Variants in RAD51B observed in about 807,000 individuals in gnomAD.
The protein encoded by RAD51B is DNA repair protein RAD51 homolog 2.
RAD51B carries 38 observed loss-of-function variants against 42.2 expected under a neutral mutation model. That is an observed-to-expected ratio of 0.90 (90% confidence interval 0.70 to 1.18). The LOEUF (loss-of-function observed/expected upper bound fraction) is 1.18. RAD51B is among the 50% of genes most tolerant of loss of function. The pLI, the probability that RAD51B is intolerant of heterozygous loss-of-function variation, is 0.00. For missense variants in RAD51B, 373 were observed against 400.7 expected (o/e 0.93, Z 0.59); for synonymous variants, 154 against 145.2 (o/e 1.06, Z -0.43).
intron 8 of RAD51B, among the ~76,000 whole-genome samples, chr14:68,371,390 T>C (rs1003600700): frequency 6.6e-6 from 1 of 152,138 alleles, no homozygotes; most frequent in East Asian, 1.9e-4. Flanking sequence ...TGGTGGTGCA[T>C]GCCTGTAGTC....
At chr14:68,173,388 G>A (rs1211706748) in intron 7 of RAD51B, among the ~76,000 whole-genome samples, 1 of 152,128 alleles carries the variant, frequency 6.6e-6, no homozygotes, top group East Asian at 1.9e-4. Flanking sequence ...GGAACACTCT[G>A]GCCTTAGAAT....
chr14:68,108,789 T>C (rs1187527836), intron 7 of RAD51B, among the ~76,000 whole-genome samples: 1 of 151,950 alleles, frequency 6.6e-6, no homozygotes, highest in Non-Finnish European at 1.5e-5. Context: ...CTCAATAAAA[T>C]TGTTACGTAT....
At chr14:68,339,797 C>T (rs1008664674) in intron 8 of RAD51B, among the ~76,000 whole-genome samples, 7 of 152,214 alleles carry the variant, frequency 4.6e-5, no homozygotes, top group African/African-American at 1.7e-4. Context: ...ATTGGGAAAT[C>T]TGCCTCTCCT....
intron 7 of RAD51B, among the ~76,000 whole-genome samples, chr14:67,949,497 A>G (rs2074402806): frequency 6.6e-6 from 1 of 152,146 alleles, no homozygotes; most frequent in Non-Finnish European, 1.5e-5. Context: ...TTCTCTTGCT[A>G]TTTGTATCAC....
At chr14:68,530,660 C>T (rs1174707233) in intron 10 of RAD51B, among the ~76,000 whole-genome samples, 1 of 151,856 alleles carries the variant, frequency 6.6e-6, no homozygotes, top group Non-Finnish European at 1.5e-5. Flanking sequence ...GCTAAACTAG[C>T]TTTCAAGAGC....
At chr14:68,102,036 G>T (rs1265985553) in intron 7 of RAD51B, among the ~76,000 whole-genome samples, 2 of 152,214 alleles carry the variant, frequency 1.3e-5, no homozygotes, top group Admixed American at 1.3e-4. Context: ...CTTGGGACTT[G>T]CACTCTCTGA....
chr14:68,055,990 A>G (rs1400966225), intron 7 of RAD51B, among the ~76,000 whole-genome samples: 1 of 152,128 alleles, frequency 6.6e-6, no homozygotes, highest in Non-Finnish European at 1.5e-5. Context: ...TTTTCAGTAG[A>G]AGAAATGACT....
chr14:68,142,425 G>A (rs941126239), intron 7 of RAD51B, among the ~76,000 whole-genome samples: 1 of 151,974 alleles, frequency 6.6e-6, no homozygotes, highest in East Asian at 1.9e-4. Flanking sequence ...CTATAATATA[G>A]GTTTACTTTT....
At chr14:68,336,416 C>T (rs937250143) in intron 8 of RAD51B, among the ~76,000 whole-genome samples, 6 of 152,164 alleles carry the variant, frequency 3.9e-5, no homozygotes, top group Admixed American at 2.0e-4. Context: ...CATTATATTT[C>T]ACTCAACACT....
chr14:68,433,599 A>G (rs2085069546), intron 9 of RAD51B, among the ~76,000 whole-genome samples: 1 of 152,178 alleles, frequency 6.6e-6, no homozygotes, highest in African/African-American at 2.4e-5. Flanking sequence ...CAGCTCCATC[A>G]GGTCATTTAA....
rs3219795 is a variant in RAD51B at position 67,921,567 on chromosome 14, TCACACACACACA to T, written c.756+34408_756+34419del. Among the ~76,000 whole-genome samples, 827 of 125,932 alleles carry T rather than the reference TCACACACACACA, an allele frequency of 6.6e-3. 6 individuals carry two copies. The highest frequency in any genetic ancestry group is 0.012 in the Admixed American group (145 of 12,442). 82.6% of individuals were successfully genotyped at this position (125,932 alleles called of 152,430 possible). A position where few individuals can be genotyped will look rare whatever the true frequency, so the allele number is the denominator to read the frequency against. Reference sequence around the variant, plus strand: ...CTATGTGCATGTACATATGTGCACATCACACACACACACACACACACACACACACACACACAC... The same window carrying T: ...CTATGTGCATGTACATATGTGCACATCACACACACACACACACACACACAC... On this transcript the variant is annotated intron_variant, in intron 7 of 10. Transcript: ENST00000471583.
At chr14:68,183,990 G>C (rs1011610182) in intron 7 of RAD51B, among the ~76,000 whole-genome samples, 70 of 151,774 alleles carry the variant, frequency 4.6e-4, no homozygotes, top group African/African-American at 1.5e-3. Context: ...TACTCGGGGG[G>C]GGTGAGGCAG....
intron 7 of RAD51B, among the ~76,000 whole-genome samples, chr14:68,095,119 A>G (rs550585645): frequency 4.6e-5 from 7 of 152,350 alleles, no homozygotes; most frequent in African/African-American, 4.8e-5. Context: ...GTAATTTATC[A>G]TAAGAGTTCT....
At chr14:68,330,118 A>G (rs1262579014) in intron 8 of RAD51B, among the ~76,000 whole-genome samples, 2 of 152,218 alleles carry the variant, frequency 1.3e-5, no homozygotes, top group African/African-American at 2.4e-5. Flanking sequence ...CTGAGTCACC[A>G]TATTCAGCAT....
chr14:68,357,996 A>G (rs1421048553), intron 8 of RAD51B, among the ~76,000 whole-genome samples: 1 of 152,180 alleles, frequency 6.6e-6, no homozygotes, highest in Non-Finnish European at 1.5e-5. Flanking sequence ...CCTAATTTCA[A>G]TGTTGTCGTG....
At chr14:67,935,551 A>G (rs1480268986) in intron 7 of RAD51B, among the ~76,000 whole-genome samples, 1 of 152,074 alleles carries the variant, frequency 6.6e-6, no homozygotes, top group Non-Finnish European at 1.5e-5. Context: ...TTTTTTGTAG[A>G]GATGGGGATC....
At chr14:68,477,590 T>C (rs1882770859) in intron 10 of RAD51B, 58 bp from the exon 11 acceptor site, 5 of 1,556,276 alleles carry the variant, frequency 3.2e-6, no homozygotes, top group African/African-American at 1.4e-5. Context: ...GGGAAGTTAG[T>C]GCATTTCATA....
intron 7 of RAD51B, among the ~76,000 whole-genome samples, chr14:68,042,057 G>A (rs1371135244): frequency 6.6e-6 from 1 of 152,148 alleles, no homozygotes; most frequent in Non-Finnish European, 1.5e-5. Context: ...AGATTCTGAA[G>A]TACTCCAGTG....
At chr14:68,286,453 T>C (rs1263620608) in intron 7 of RAD51B, among the ~76,000 whole-genome samples, 4 of 152,208 alleles carry the variant, frequency 2.6e-5, no homozygotes, top group African/African-American at 9.7e-5. Context: ...ACCTATTCTA[T>C]CCCTGGCTGA....
Sources: allele counts gnomAD v4.1 joint callset (sites outside exome capture counted in the v4.1 genomes callset), GRCh38; gene constraint gnomAD v4.1.1; transcripts MANE v1.5; gene names NCBI Gene and HGNC (gene_info 2026-07-23, HGNC 2026-07-21).